Variants in KCNH5 observed in about 807,000 individuals in gnomAD.
KCNH5 encodes the protein voltage-gated delayed rectifier potassium channel KCNH5.
A neutral mutation model predicts 96.1 loss-of-function variants in KCNH5; 46 were observed. The observed-to-expected ratio is 0.48, with a 90% CI of 0.38 to 0.61. KCNH5 has a LOEUF of 0.61. KCNH5 is among the 20% of genes least tolerant of loss of function. KCNH5 has a pLI of 0.00. For missense variants in KCNH5, 907 were observed against 1,225.8 expected, an observed-to-expected ratio of 0.74 and a Z score of 3.88; for synonymous variants, 439 against 449.8, an observed-to-expected ratio of 0.98 and a Z score of 0.30.
At chr14:62,765,346 G>A (rs187083579) in intron 10 of KCNH5, among the ~76,000 whole-genome samples, 4 of 152,080 alleles carry the variant, frequency 2.6e-5, no homozygotes, top group African/African-American at 9.6e-5. Context: ...CTTGACCCTC[G>A]CCTTTTATCA....
intron 10 of KCNH5, among the ~76,000 whole-genome samples, chr14:62,761,641 T>C (rs913242377): frequency 1.2e-4 from 18 of 152,126 alleles, no homozygotes; most frequent in Admixed American, 1.2e-3. Flanking sequence ...TACAAGTCTA[T>C]AAAAAATTCA....
chr14:62,960,217 C>T (rs543570273), intron 6 of KCNH5, among the ~76,000 whole-genome samples: 1 of 152,232 alleles, frequency 6.6e-6, no homozygotes, highest in East Asian at 1.9e-4. Context: ...TAAATTATAG[C>T]TCAGTTATTG....
intron 6 of KCNH5, among the ~76,000 whole-genome samples, chr14:62,969,757 ATT>A (rs779644836): frequency 1.0e-3 from 117 of 113,888 alleles, no homozygotes; most frequent in African/African-American, 3.2e-3. Flanking sequence ...AATAAAATTA[ATT>A]TTTTTTTTTT....
chr14:62,776,954 AC>A (rs1886110354), intron 10 of KCNH5, among the ~76,000 whole-genome samples: 1 of 152,228 alleles, frequency 6.6e-6, no homozygotes, highest in African/African-American at 2.4e-5. Context: ...GCCATGGCTG[AC>A]AACTTGGATT....
chr14:62,958,671 C>T (rs1055256612), intron 6 of KCNH5, among the ~76,000 whole-genome samples: 3 of 152,110 alleles, frequency 2.0e-5, no homozygotes, highest in Admixed American at 6.6e-5. Flanking sequence ...CATCAACACC[C>T]TAAATTGCTT....
At chr14:62,731,289 A>C (rs181793725) in intron 10 of KCNH5, among the ~76,000 whole-genome samples, 304 of 152,094 alleles carry the variant, frequency 2.0e-3, no homozygotes, top group Middle Eastern at 6.8e-3. Context: ...CAACAGAGGG[A>C]GACTCCGTCT....
chr14:62,832,705 C>T (rs1291714025), intron 8 of KCNH5, among the ~76,000 whole-genome samples: 1 of 152,142 alleles, frequency 6.6e-6, no homozygotes, highest in Non-Finnish European at 1.5e-5. Flanking sequence ...GCAGCTATAT[C>T]ATTTTTACAT....
intron 10 of KCNH5, among the ~76,000 whole-genome samples, chr14:62,709,101 C>G (rs533851673): frequency 6.6e-6 from 1 of 151,174 alleles, no homozygotes; most frequent in Non-Finnish European, 1.5e-5. Flanking sequence ...GGCGCAGTGG[C>G]GGGCGCCTGT....
chr14:62,741,012 C>G (rs1024873083), intron 10 of KCNH5, among the ~76,000 whole-genome samples: 3 of 152,072 alleles, frequency 2.0e-5, no homozygotes, highest in Non-Finnish European at 4.4e-5. Flanking sequence ...TTGATTTATT[C>G]TGAGTATGAA....
At chr14:63,030,675 G>T (rs545055291) in intron 1 of KCNH5, among the ~76,000 whole-genome samples, 23 of 152,196 alleles carry the variant, frequency 1.5e-4, no homozygotes, top group Non-Finnish European at 2.9e-4. Flanking sequence ...AATACTTATT[G>T]TTAAGTCTTT....
At chr14:63,002,411 C>T (rs900628812) in intron 3 of KCNH5, among the ~76,000 whole-genome samples, 1 of 152,180 alleles carries the variant, frequency 6.6e-6, no homozygotes, top group Non-Finnish European at 1.5e-5. Context: ...CAAAGAGACA[C>T]ATTTACATTA....
At chr14:62,945,170 T>G (rs1258780734) in intron 7 of KCNH5, among the ~76,000 whole-genome samples, 1 of 152,148 alleles carries the variant, frequency 6.6e-6, no homozygotes, top group Non-Finnish European at 1.5e-5. Flanking sequence ...GTAGGTAGAT[T>G]CAGAAGGTAG....
intron 7 of KCNH5, among the ~76,000 whole-genome samples, chr14:62,944,404 C>T (rs1030207845): frequency 1.3e-5 from 2 of 152,004 alleles, no homozygotes; most frequent in African/African-American, 4.8e-5. Flanking sequence ...TCTTAGACAG[C>T]CACACAGATT....
Position 62,956,608 on chromosome 14 carries a change from C to T in KCNH5, c.943-6049G>A, listed in dbSNP as rs1291642256. ...TGATTCAGATTAATAATTTCTTACTCATCCCATGATATTTGGTGGGGGCGG... is the reference window on the plus strand; with the variant it reads ...TGATTCAGATTAATAATTTCTTACTTATCCCATGATATTTGGTGGGGGCGG... On this transcript the variant is annotated intron_variant, in intron 6 of 10. Coordinates refer to ENST00000322893, the MANE Select transcript of KCNH5 (RefSeq NM_139318.5). Among the ~76,000 whole-genome samples the T allele has an allele frequency of 2.8e-5, 4 of 142,292 alleles. No homozygotes were observed. The Admixed American group carries it at 2.9e-4, about 10-fold the overall frequency. 93.3% of individuals were successfully genotyped at this position (142,292 alleles called of 152,430 possible).
Position 62,909,692 on chromosome 14 carries a change from T to C in KCNH5, c.1369+40441A>G, listed in dbSNP as rs541795618. Among the ~76,000 whole-genome samples, 116 of 152,098 alleles carry C rather than the reference T, an allele frequency of 7.6e-4. 1 individual carries two copies. The highest frequency in any genetic ancestry group is 1.4e-3 in the Non-Finnish European group (96 of 67,988). On this transcript the variant is annotated intron_variant, in intron 7 of 10. Coordinates refer to ENST00000322893, the MANE Select transcript of KCNH5 (RefSeq NM_139318.5). The stretch of plus-strand genomic sequence containing the variant: ...ATAATAAGCTCTTTATATGTCTCCA[T>C]TTGCTTCCTTTGCTCACCCGCCACC...
At chr14:62,834,770 G>A (rs556858697) in intron 8 of KCNH5, among the ~76,000 whole-genome samples, 1 of 151,890 alleles carries the variant, frequency 6.6e-6, no homozygotes, top group Non-Finnish European at 1.5e-5. Context: ...ACATTTAATG[G>A]TATGTGAGAA....
intron 10 of KCNH5, among the ~76,000 whole-genome samples, chr14:62,760,781 G>A (rs1217023086): frequency 1.3e-5 from 2 of 152,290 alleles, no homozygotes; most frequent in East Asian, 1.9e-4. Flanking sequence ...TCACCTGACT[G>A]GAAGGCAAAA....
At chr14:62,974,009 C>G (rs1890456886) in intron 6 of KCNH5, among the ~76,000 whole-genome samples, 4 of 152,112 alleles carry the variant, frequency 2.6e-5, no homozygotes, top group Admixed American at 2.0e-4. Context: ...CGTAATTATA[C>G]AGGATAAAGT....
chr14:62,922,372 T>C (rs1889396673), intron 7 of KCNH5, among the ~76,000 whole-genome samples: 1 of 152,048 alleles, frequency 6.6e-6, no homozygotes, highest in African/African-American at 2.4e-5. Context: ...GACATGCATA[T>C]ATATGAAATA....
Sources: allele counts gnomAD v4.1 joint callset (sites outside exome capture counted in the v4.1 genomes callset), GRCh38; gene constraint gnomAD v4.1.1; transcripts MANE v1.5; gene names NCBI Gene and HGNC (gene_info 2026-07-23, HGNC 2026-07-21).